Variants in PXDNL observed in about 807,000 individuals in gnomAD.
PXDNL encodes the protein peroxidasin like, also known as probable oxidoreductase PXDNL.
A neutral mutation model predicts 150.8 loss-of-function variants in PXDNL; 145 were observed. The ratio of observed to expected loss-of-function variants is 0.96; its 90% CI spans 0.84 to 1.10. PXDNL has a LOEUF of 1.10. PXDNL is among the 50% of genes least tolerant of loss of function. PXDNL has a pLI of 0.00. For missense variants in PXDNL, 2,087 were observed against 1,873.9 expected (o/e 1.11, Z -2.10); for synonymous variants, 757 against 725.7 (o/e 1.04, Z -0.69).
chr8:51,778,711 G>A (rs181033082), intron 1 of PXDNL, among the ~76,000 whole-genome samples: 5 of 152,318 alleles, frequency 3.3e-5, no homozygotes, highest in East Asian at 1.9e-4. Flanking sequence ...CATCCAGCTC[G>A]TTCTTCTCTG....
At chr8:51,540,760 T>C (rs1812197612) in intron 4 of PXDNL, among the ~76,000 whole-genome samples, 1 of 152,214 alleles carries the variant, frequency 6.6e-6, no homozygotes, top group African/African-American at 2.4e-5. Context: ...GTCTTCTTTA[T>C]ACTTACTTTC....
At chr8:51,421,494 G>A (rs1403797131) in intron 14 of PXDNL, among the ~76,000 whole-genome samples, 1 of 152,176 alleles carries the variant, frequency 6.6e-6, no homozygotes, top group Non-Finnish European at 1.5e-5. Context: ...GAGGTCAGGA[G>A]TTCAAGACAG....
At chr8:51,441,672 CTG>C (rs1466746632) in intron 12 of PXDNL, among the ~76,000 whole-genome samples, 4 of 152,298 alleles carry the variant, frequency 2.6e-5, no homozygotes, top group Admixed American at 1.3e-4. Context: ...AGATAGATCA[CTG>C]TGATGATTAC....
chr8:51,451,457 A>T (rs1373967602), intron 10 of PXDNL, among the ~76,000 whole-genome samples: 1 of 152,222 alleles, frequency 6.6e-6, no homozygotes, highest in Non-Finnish European at 1.5e-5. Flanking sequence ...TGGCCTTCTG[A>T]GTCCCACCTC....
intron 5 of PXDNL, among the ~76,000 whole-genome samples, chr8:51,492,139 G>A (rs970180001): frequency 6.6e-6 from 1 of 152,110 alleles, no homozygotes; most frequent in Non-Finnish European, 1.5e-5. Context: ...AATTTATTTT[G>A]TATATTAATT....
intron 12 of PXDNL, among the ~76,000 whole-genome samples, chr8:51,437,211 T>A (rs1809428351): frequency 6.6e-6 from 1 of 152,012 alleles, no homozygotes; most frequent in South Asian, 2.1e-4. Context: ...TAATAAAAAA[T>A]TTGTCAACAA....
intron 2 of PXDNL, among the ~76,000 whole-genome samples, chr8:51,629,468 A>C (rs1180958422): frequency 6.6e-6 from 1 of 152,168 alleles, no homozygotes; most frequent in Non-Finnish European, 1.5e-5. Context: ...GAGAAATCCC[A>C]AGAAAAGAGA....
At chr8:51,792,293 G>A (rs959504343) in intron 1 of PXDNL, among the ~76,000 whole-genome samples, 1 of 152,132 alleles carries the variant, frequency 6.6e-6, no homozygotes, top group African/African-American at 2.4e-5. Flanking sequence ...AGGAAAAGAA[G>A]AGTAGTGTGA....
chr8:51,688,821 CT>C (rs1815929495), intron 1 of PXDNL, among the ~76,000 whole-genome samples: 1 of 152,184 alleles, frequency 6.6e-6, no homozygotes, highest in South Asian at 2.1e-4. Context: ...AATAATCTAA[CT>C]ACAAAAGCTA....
chr8:51,357,926 T>A (rs1375491317), intron 19 of PXDNL, among the ~76,000 whole-genome samples: 1 of 152,114 alleles, frequency 6.6e-6, no homozygotes, highest in Admixed American at 6.5e-5. Flanking sequence ...GAAAAACTGA[T>A]AAGTAAAATC....
Position 51,463,758 on chromosome 8 carries a change from T to A in PXDNL, c.813-6091A>T, listed in dbSNP as rs117036652. 9.2e-3 allele frequency among the ~76,000 whole-genome samples: 1,395 copies of A among 152,192 alleles called. 19 individuals are homozygous for A. Among genetic ancestry groups the A allele is most frequent in the South Asian group, 0.054 (262 of 4,824 alleles). On this transcript the variant is annotated intron_variant, in intron 8 of 22. Transcript: ENST00000356297. The stretch of plus-strand genomic sequence containing the variant: ...CATCAAAATCATACCAACCATACTC[T>A]CAGACACAGTGTAATAAAAATAAAA...
At chr8:51,556,767 T>C in intron 4 of PXDNL, 73 bp downstream of exon 4, 1 of 793,238 alleles carries the variant, frequency 1.3e-6, no homozygotes, top group Admixed American at 2.0e-5. Flanking sequence ...AACTATCACA[T>C]AATGGCATTT....
chr8:51,384,794 T>C (rs1333759857), intron 17 of PXDNL, among the ~76,000 whole-genome samples: 1 of 152,130 alleles, frequency 6.6e-6, no homozygotes, highest in Non-Finnish European at 1.5e-5. Context: ...AGATTTTACA[T>C]AGAACTAAAA....
At position 51,718,756 on chromosome 8, in the gene PXDNL, G is replaced by A. The variant is rs372121271; in HGVS notation, c.165-63996C>T. On this transcript the variant is annotated intron_variant, in intron 1 of 22. Transcript: ENST00000356297. ...CTGTGACAGCTCATATGCCCCCTGA[G>A]GACTGCCTCTTGGCCCCTCTGTGGT... Among the ~76,000 whole-genome samples, 17 of 152,252 alleles carry A rather than the reference G, an allele frequency of 1.1e-4. No individual in the cohort carries two copies. The East Asian group carries it at 2.9e-3, about 26-fold the overall frequency.
chr8:51,663,266 T>C (rs967127619), intron 1 of PXDNL, among the ~76,000 whole-genome samples: 1 of 152,140 alleles, frequency 6.6e-6, no homozygotes, highest in Non-Finnish European at 1.5e-5. Flanking sequence ...GAGACCCCAG[T>C]GATGGACCAG....
chr8:51,701,094 T>G (rs1190712233), intron 1 of PXDNL, among the ~76,000 whole-genome samples: 1 of 152,086 alleles, frequency 6.6e-6, no homozygotes, highest in African/African-American at 2.4e-5. Flanking sequence ...CTTCCTAACA[T>G]TGAACATTGT....
chr8:51,595,163 G>A (rs1384854067), intron 2 of PXDNL, among the ~76,000 whole-genome samples: 1 of 152,134 alleles, frequency 6.6e-6, no homozygotes, highest in East Asian at 1.9e-4. Context: ...GGGTAAAAGA[G>A]GAACCAGCAA....
In PXDNL at chr8:51,556,230, C is replaced by A. The variant is rs1235853829; in HGVS notation, c.380+610G>T. On this transcript the variant is annotated intron_variant, in intron 4 of 22. Transcript: ENST00000356297. Reference sequence around the variant, plus strand: ...AATGAGCTGTGATGGGACAACTGCACTCCAGTCTGGGCAACAGAGAGAGAC... The same window carrying A: ...AATGAGCTGTGATGGGACAACTGCAATCCAGTCTGGGCAACAGAGAGAGAC... Among the ~76,000 whole-genome samples the A allele has an allele frequency of 2.0e-5, 3 of 151,984 alleles. No homozygotes were observed. The East Asian group carries it at 5.8e-4, about 29-fold the overall frequency.
intron 4 of PXDNL, among the ~76,000 whole-genome samples, chr8:51,510,211 T>C (rs577117940): frequency 2.6e-5 from 4 of 152,272 alleles, no homozygotes; most frequent in East Asian, 3.9e-4. Context: ...AGGAGTTCCA[T>C]TGTGCTCCTT....
Sources: allele counts gnomAD v4.1 joint callset (sites outside exome capture counted in the v4.1 genomes callset), GRCh38; gene constraint gnomAD v4.1.1; transcripts MANE v1.5; gene names NCBI Gene and HGNC (gene_info 2026-07-23, HGNC 2026-07-21).